Variants in LPP observed in about 807,000 individuals in gnomAD.
The protein encoded by LPP is LIM domain containing preferred translocation partner in lipoma.
LPP carries 38 observed loss-of-function variants against 60.4 expected under a neutral mutation model. That is an observed-to-expected ratio of 0.63 (90% CI 0.49 to 0.83). The LOEUF is 0.83. Among genes scored for constraint, LPP ranks in the 40% least tolerant of loss-of-function variants. The pLI is 0.00. For synonymous variants in LPP, 328 were observed against 290.8 expected (o/e 1.13, Z -1.30); for missense variants, 902 against 783.6 (o/e 1.15, Z -1.80).
chr3:188,334,018 C>G (rs1760878771), intron 2 of LPP, among the ~76,000 whole-genome samples: 1 of 152,194 alleles, frequency 6.6e-6, no homozygotes, highest in Admixed American at 6.5e-5. Context: ...TTTGGCTATC[C>G]TCCCCCTCCT....
chr3:188,818,207 A>T (rs1752999505), intron 9 of LPP, among the ~76,000 whole-genome samples: 1 of 152,188 alleles, frequency 6.6e-6, no homozygotes, highest in African/African-American at 2.4e-5. Context: ...ACTGAATTCC[A>T]AGTTTCATAA....
At chr3:188,163,592 A>C (rs1023579892) in intron 1 of LPP, among the ~76,000 whole-genome samples, 1 of 152,106 alleles carries the variant, frequency 6.6e-6, no homozygotes, top group African/African-American at 2.4e-5. Flanking sequence ...GCATAAGGCA[A>C]GGACTCAACA....
intron 7 of LPP, among the ~76,000 whole-genome samples, chr3:188,651,413 T>C (rs1852052557): frequency 1.3e-5 from 2 of 152,184 alleles, no homozygotes; most frequent in Non-Finnish European, 2.9e-5. Flanking sequence ...TTAAACTATG[T>C]TTGAAAGCAT....
At chr3:188,663,133 G>A (rs1201448334) in intron 7 of LPP, among the ~76,000 whole-genome samples, 4 of 152,208 alleles carry the variant, frequency 2.6e-5, no homozygotes, top group African/African-American at 9.6e-5. Context: ...TGAACTGTGG[G>A]GGCTGGGATT....
At chr3:188,251,470 T>A (rs1177064175) in intron 2 of LPP, among the ~76,000 whole-genome samples, 3 of 152,146 alleles carry the variant, frequency 2.0e-5, no homozygotes, top group Non-Finnish European at 4.4e-5. Context: ...TGCCTTAACT[T>A]ATAGCCTCTT....
At chr3:188,407,885 G>A (rs928687402) in intron 4 of LPP, among the ~76,000 whole-genome samples, 8 of 147,112 alleles carry the variant, frequency 5.4e-5, no homozygotes, top group Non-Finnish European at 8.9e-5. Context: ...CCGCTTCCCG[G>A]GTTCAAGTGA....
chr3:188,318,776 T>TTTTTTTTTTTTTTTTTTG (rs1755960455), intron 2 of LPP, among the ~76,000 whole-genome samples: 2 of 118,216 alleles, frequency 1.7e-5, no homozygotes, highest in Admixed American at 9.1e-5. Flanking sequence ...TTTTTTTTTT[T>TTTTTTTTTTTTTTTTTTG]GAGACGGAGT....
intron 4 of LPP, among the ~76,000 whole-genome samples, chr3:188,411,738 C>T (rs1183164930): frequency 2.0e-5 from 3 of 152,078 alleles, no homozygotes; most frequent in East Asian, 1.9e-4. Context: ...AATAAAACAA[C>T]AACAGCAATT....
chr3:188,676,016 A>T (rs897531699), intron 7 of LPP, among the ~76,000 whole-genome samples: 1 of 152,154 alleles, frequency 6.6e-6, no homozygotes, highest in Non-Finnish European at 1.5e-5. Context: ...GTGAAAGATT[A>T]CTATACTGGA....
chr3:188,858,500 G>A (rs989231944), intron 9 of LPP, among the ~76,000 whole-genome samples: 4 of 152,130 alleles, frequency 2.6e-5, no homozygotes, highest in South Asian at 2.1e-4. Context: ...TTTCTTTTCC[G>A]ATTTAGTAAA....
intron 9 of LPP, among the ~76,000 whole-genome samples, chr3:188,770,319 C>T (rs576495696): frequency 6.7e-6 from 1 of 148,970 alleles, no homozygotes; most frequent in Non-Finnish European, 1.5e-5. Flanking sequence ...GTTGGGACTA[C>T]AAGCACCCGC....
At chr3:188,633,647 G>C (rs565672028) in intron 7 of LPP, among the ~76,000 whole-genome samples, 1 of 152,152 alleles carries the variant, frequency 6.6e-6, no homozygotes, top group Non-Finnish European at 1.5e-5. Context: ...GTGAGGAGGG[G>C]CATGCTAACA....
At position 188,217,104 on chromosome 3, in the gene LPP, A is replaced by G. The variant is rs1713941976; in HGVS notation, c.-189-8301A>G. Among the ~76,000 whole-genome samples, 2 of 152,214 alleles carry G rather than the reference A, an allele frequency of 1.3e-5. No individual in the cohort carries two copies. Among genetic ancestry groups the G allele is most frequent in the Admixed American group, 6.5e-5 (1 of 15,276 alleles). On this transcript the variant is annotated intron_variant, in intron 1 of 11. Transcript: ENST00000617246. The surrounding 1 kb of genome is among the most constrained non-coding windows in gnomAD (Gnocchi z 4.0). ...GGTGTGTGAAGGAGGCAGATAAAGGAACACTTAAACAAGAGGGACTGATAA... is the reference window on the plus strand; with the variant it reads ...GGTGTGTGAAGGAGGCAGATAAAGGGACACTTAAACAAGAGGGACTGATAA...
chr3:188,386,064 CT>C (rs973677628), intron 3 of LPP, among the ~76,000 whole-genome samples: 11 of 151,790 alleles, frequency 7.2e-5, no homozygotes, highest in Middle Eastern at 3.2e-3. Context: ...AGAATTTATT[CT>C]TTTTTTCAAT....
chr3:188,558,060 C>G (rs547646981), intron 6 of LPP, among the ~76,000 whole-genome samples: 1 of 152,028 alleles, frequency 6.6e-6, no homozygotes, highest in African/African-American at 2.4e-5. Flanking sequence ...ATAGGCACTC[C>G]GACAAAATAG....
At chr3:188,179,680 T>A (rs1029991161) in intron 1 of LPP, 2 of 359,980 alleles carry the variant, frequency 5.6e-6, no homozygotes, top group African/African-American at 4.3e-5. Flanking sequence ...CTGCAGTCTC[T>A]TGTCTGCTCC....
At chr3:188,285,165 A>G (rs1176939964) in intron 2 of LPP, among the ~76,000 whole-genome samples, 1 of 152,162 alleles carries the variant, frequency 6.6e-6, no homozygotes, top group African/African-American at 2.4e-5. Context: ...ATTAGAAGAT[A>G]GTGATTTCTG....
At chr3:188,303,426 T>A (rs148384928) in intron 2 of LPP, among the ~76,000 whole-genome samples, 2 of 152,206 alleles carry the variant, frequency 1.3e-5, no homozygotes, top group Admixed American at 1.3e-4. Flanking sequence ...CAGTAAATAT[T>A]TGTTGAATGA....
chr3:188,234,221 G>T (rs1237986516), intron 2 of LPP, among the ~76,000 whole-genome samples: 1 of 152,172 alleles, frequency 6.6e-6, no homozygotes, highest in Non-Finnish European at 1.5e-5. Context: ...GGGGTAAGGG[G>T]TTTTGATAGT....
Sources: allele counts gnomAD v4.1 joint callset (sites outside exome capture counted in the v4.1 genomes callset), GRCh38; gene constraint gnomAD v4.1.1; non-coding constraint Gnocchi (gnomAD v3.1); transcripts MANE v1.5; gene names NCBI Gene and HGNC (gene_info 2026-07-23, HGNC 2026-07-21).